The following PRKCQ variants were observed in gnomAD, a reference collection of about 807,000 sequenced individuals.
The protein encoded by PRKCQ is protein kinase C theta, also known as protein kinase C theta type.
A neutral mutation model predicts 91.2 loss-of-function variants in PRKCQ; 41 were observed. The ratio of observed to expected loss-of-function variants is 0.45; its 90% CI spans 0.35 to 0.58. The LOEUF (loss-of-function observed/expected upper bound fraction) is 0.58. Ranked by LOEUF, PRKCQ falls within the 20% of genes least tolerant of loss-of-function variation. PRKCQ has a pLI of 0.00. For missense variants in PRKCQ, 673 were observed against 896.5 expected (o/e 0.75, Z 3.18); for synonymous variants, 307 against 316.9 (o/e 0.97, Z 0.33).
chr10:6,467,727 T>C (rs1835765056), intron 12 of PRKCQ, among the ~76,000 whole-genome samples: 1 of 152,182 alleles, frequency 6.6e-6, no homozygotes, highest in Non-Finnish European at 1.5e-5. Context: ...AATCCCACCA[T>C]CACAGGGCCT....
the PRKCQ span, among the ~76,000 whole-genome samples, chr10:6,400,789 C>T: frequency 2.7e-5 from 4 of 150,620 alleles, no homozygotes; most frequent in Admixed American, 2.0e-4. Flanking sequence ...TGAGGTGGGA[C>T]GATGCTTGAG....
At chr10:6,552,143 C>G (rs1266542866) in intron 1 of PRKCQ, among the ~76,000 whole-genome samples, 4 of 151,896 alleles carry the variant, frequency 2.6e-5, no homozygotes, top group Admixed American at 1.3e-4. Context: ...CTACTCAAGT[C>G]TTTTGTTCAT....
chr10:6,548,436 A>C (rs1024084040), intron 1 of PRKCQ, among the ~76,000 whole-genome samples: 24 of 151,258 alleles, frequency 1.6e-4, no homozygotes, highest in Non-Finnish European at 4.4e-5. Flanking sequence ...ATGCACACAT[A>C]TGTTTATTGT....
intron 2 of PRKCQ, among the ~76,000 whole-genome samples, chr10:6,513,202 T>C (rs914886366): frequency 2.0e-5 from 3 of 152,178 alleles, no homozygotes; most frequent in Non-Finnish European, 4.4e-5. Flanking sequence ...TGGCTCATTG[T>C]GGAAAATGCA....
the PRKCQ span, among the ~76,000 whole-genome samples, chr10:6,414,000 A>G: frequency 2.0e-5 from 3 of 152,386 alleles, no homozygotes; most frequent in East Asian, 1.9e-4. Flanking sequence ...GTCAGAAAGA[A>G]TCTCAGTGGT....
the PRKCQ span, among the ~76,000 whole-genome samples, chr10:6,402,348 C>A: frequency 8.1e-6 from 1 of 123,450 alleles, no homozygotes; most frequent in East Asian, 2.0e-4. Flanking sequence ...TTAAAAAACC[C>A]CAAAAGAGTG....
At chr10:6,559,428 G>T (rs890789623) in intron 1 of PRKCQ, among the ~76,000 whole-genome samples, 1 of 151,964 alleles carries the variant, frequency 6.6e-6, no homozygotes, top group Non-Finnish European at 1.5e-5. Context: ...TGGCAGTTTC[G>T]GCTCACTGCA....
chr10:6,506,452 C>T (rs959426403), intron 4 of PRKCQ, among the ~76,000 whole-genome samples: 7 of 152,204 alleles, frequency 4.6e-5, no homozygotes, highest in African/African-American at 1.2e-4. Flanking sequence ...TTCTTCAGAT[C>T]GAATAAATCT....
At chr10:6,467,556 C>T (rs920887036) in intron 12 of PRKCQ, among the ~76,000 whole-genome samples, 9 of 152,002 alleles carry the variant, frequency 5.9e-5, no homozygotes, top group Admixed American at 1.3e-4. Context: ...TGATTCTTTC[C>T]GGTGGGTGAG....
chr10:6,494,178 C>A (rs1343158071), intron 7 of PRKCQ, among the ~76,000 whole-genome samples: 1 of 152,190 alleles, frequency 6.6e-6, no homozygotes, highest in Non-Finnish European at 1.5e-5. Context: ...CACCAAAGCT[C>A]CACACCCATC....
rs1245324381 is a variant in PRKCQ at position 6,453,145 on chromosome 10, A to C, written c.1647+3529T>G. On this transcript the variant is annotated intron_variant, in intron 15 of 17. Transcript: ENST00000263125. ...ATCAGAGTGAACAGGCAACCTACAA[A>C]ATGGGAGAAAATTTTCGCAACCTAC... Among the ~76,000 whole-genome samples, 416 of 150,360 alleles carry C rather than the reference A, an allele frequency of 2.8e-3. 1 individual carries two copies. The highest frequency in any genetic ancestry group is 9.6e-3 in the African/African-American group (395 of 41,208).
intron 15 of PRKCQ, among the ~76,000 whole-genome samples, chr10:6,445,765 A>G (rs1239009165): frequency 2.6e-5 from 4 of 152,246 alleles, no homozygotes; most frequent in African/African-American, 9.6e-5. Context: ...AATCATCTGA[A>G]GGTAGACCCA....
chr10:6,529,855 G>T (rs982457590), intron 1 of PRKCQ, among the ~76,000 whole-genome samples: 1 of 152,276 alleles, frequency 6.6e-6, no homozygotes, highest in East Asian at 1.9e-4. Context: ...TGGAAAATGC[G>T]TATGACAGTG....
chr10:6,434,172 G>C (rs148103530), intron 16 of PRKCQ, among the ~76,000 whole-genome samples: 2 of 152,028 alleles, frequency 1.3e-5, no homozygotes, highest in African/African-American at 2.4e-5. Flanking sequence ...GATAGATGGC[G>C]TAAGTGTCTC....
rs1226444217 is a variant in PRKCQ, at chr10:6,465,635, C to G, written c.1354-1231G>C. 6.6e-6 allele frequency among the ~76,000 whole-genome samples: 1 copy of G among 152,200 alleles called. No individual in the cohort carries two copies. The highest frequency in any genetic ancestry group is 2.4e-5 in the African/African-American group (1 of 41,458). ...CTGGGTGGTTTCTTAACAGAATTAA[C>G]CTTTACGTTTTGATGTGAACCCAAC... On this transcript the variant is annotated intron_variant, in intron 12 of 17. Coordinates refer to ENST00000263125, the MANE Select transcript of PRKCQ (RefSeq NM_006257.5). This position sits in a 1 kb window ranked among gnomAD's most constrained non-coding sequence, Gnocchi z 4.4.
intron 7 of PRKCQ, among the ~76,000 whole-genome samples, chr10:6,492,238 T>TAAAAAAAA (rs5782902): frequency 6.8e-6 from 1 of 147,326 alleles, no homozygotes; most frequent in Non-Finnish European, 1.5e-5. Flanking sequence ...TTGGAAGATG[T>TAAAAAAAA]AAAAAAAAAA....
intron 16 of PRKCQ, among the ~76,000 whole-genome samples, chr10:6,440,332 A>G (rs958265001): frequency 6.6e-6 from 1 of 152,226 alleles, no homozygotes; most frequent in Non-Finnish European, 1.5e-5. Flanking sequence ...GGTACAGTAT[A>G]TAGGCCAGGG....
the PRKCQ span, among the ~76,000 whole-genome samples, chr10:6,401,199 G>T: frequency 1.3e-5 from 2 of 152,002 alleles, no homozygotes; most frequent in Admixed American, 1.3e-4. Context: ...TAATCAAATC[G>T]CTATGACATG....
intron 4 of PRKCQ, among the ~76,000 whole-genome samples, chr10:6,507,203 G>C (rs777134953): frequency 2.0e-5 from 3 of 152,130 alleles, no homozygotes; most frequent in Non-Finnish European, 4.4e-5. Context: ...TGGGCATATG[G>C]ATTCACATCA....
Sources: gnomAD v4.1 joint callset for allele counts (sites outside exome capture counted in the v4.1 genomes callset) on GRCh38, gnomAD v4.1.1 for gene constraint, Gnocchi (gnomAD v3.1) non-coding constraint, MANE v1.5 for transcripts, NCBI Gene and HGNC (gene_info 2026-07-23, HGNC 2026-07-21) for gene names.